Variants in TCF12 observed in about 807,000 individuals in gnomAD.
TCF12 encodes the protein DNA-binding protein HTF4.
TCF12 carries 45 observed loss-of-function variants against 86.0 expected under a neutral mutation model. The ratio of observed to expected loss-of-function variants is 0.52; its 90% CI spans 0.41 to 0.67. The LOEUF (loss-of-function observed/expected upper bound fraction) is 0.67. Ranked by LOEUF, TCF12 falls within the 30% of genes least tolerant of loss-of-function variation. The probability of loss-of-function intolerance (pLI) is 0.00; values close to 1 mark genes in which losing one functional copy is unlikely to be tolerated. For missense variants in TCF12, 881 were observed against 859.9 expected, an observed-to-expected ratio of 1.02 and a Z score of -0.31; for synonymous variants, 330 against 299.6, an observed-to-expected ratio of 1.10 and a Z score of -1.05.
intron 13 of TCF12, among the ~76,000 whole-genome samples, chr15:57,249,491 C>A (rs1487631416): frequency 1.3e-5 from 2 of 151,544 alleles, no homozygotes; most frequent in Admixed American, 6.6e-5. Flanking sequence ...GTAATTATAA[C>A]AGTATGCATA....
Position 57,288,957 on chromosome 15 carries a change from G to A in TCF12, c.*2812G>A, listed in dbSNP as rs1251771922. The A allele has an allele frequency of 6.6e-6, 1 of 151,236 alleles. No homozygotes were observed. The highest frequency in any genetic ancestry group is 1.5e-5 in the Non-Finnish European group (1 of 67,974). The allele number at this position is 151,236 out of a possible 1,614,324, so 9.4% of individuals were successfully genotyped here. A position where few individuals can be genotyped will look rare whatever the true frequency, so the allele number is the denominator to read the frequency against. ...TAATGGTATTGTTTACTGTTTAAAA[G>A]TTAAAAGATCAAAAATTTGCTTTTA... On this transcript the variant is annotated 3_prime_UTR_variant, in exon 21 of 21. Coordinates refer to ENST00000333725, the MANE Select transcript of TCF12 (RefSeq NM_207037.2).
chr15:57,033,301 G>C (rs2066315126), intron 3 of TCF12, among the ~76,000 whole-genome samples: 1 of 152,124 alleles, frequency 6.6e-6, no homozygotes, highest in South Asian at 2.1e-4. Flanking sequence ...AAAAGTCATA[G>C]ATGTATACAT....
At chr15:57,247,194 C>T in intron 13 of TCF12, 1 of 605,124 alleles carries the variant, frequency 1.7e-6, no homozygotes. Context: ...CCATCATAGC[C>T]CCCTCTACTA....
chr15:57,196,701 T>A (rs778084430), intron 7 of TCF12, among the ~76,000 whole-genome samples: 1 of 152,228 alleles, frequency 6.6e-6, no homozygotes, highest in African/African-American at 2.4e-5. Context: ...GAAATACTCA[T>A]GTTTTCATTT....
At chr15:57,271,704 C>A (rs1242017062) in intron 18 of TCF12, among the ~76,000 whole-genome samples, 6 of 152,132 alleles carry the variant, frequency 3.9e-5, no homozygotes, top group Non-Finnish European at 8.8e-5. Context: ...CAGAGCTGTT[C>A]CTATTTGGCC....
At position 56,921,012 on chromosome 15, in the gene TCF12, G is replaced by T; in HGVS notation, c.76-14G>T. ...AATTTCAGGACTAACAGATATATTT[G>T]GGTTATTTTGCAGATGTTTTCCCCA... On this transcript the variant is annotated splice_polypyrimidine_tract_variant and intron_variant, in intron 2 of 20. Transcript: ENST00000333725. 1 of 1,584,878 alleles carries T rather than the reference G, an allele frequency of 6.3e-7. No homozygotes were observed. Among genetic ancestry groups the T allele is most frequent in the Non-Finnish European group, 8.6e-7 (1 of 1,165,288 alleles).
intron 5 of TCF12, chr15:57,134,409 C>G (rs1461901521): frequency 6.6e-6 from 1 of 152,172 alleles, no homozygotes; most frequent in Non-Finnish European, 1.5e-5. Context: ...AGTGTGTTTT[C>G]TCAGCATTTT....
intron 3 of TCF12, among the ~76,000 whole-genome samples, chr15:57,041,594 A>G (rs186833075): frequency 9.1e-4 from 138 of 152,332 alleles, no homozygotes; most frequent in Middle Eastern, 3.4e-3. Context: ...GAAAACAACA[A>G]TGGCACAAAG....
At chr15:56,967,707 G>A (rs537041220) in intron 3 of TCF12, among the ~76,000 whole-genome samples, 1 of 152,208 alleles carries the variant, frequency 6.6e-6, no homozygotes, top group Non-Finnish European at 1.5e-5. Flanking sequence ...AATTGCCGAG[G>A]ATGGAGGGGC....
At chr15:57,216,563 T>TAAAAAA (rs5812872) in intron 8 of TCF12, among the ~76,000 whole-genome samples, 1 of 129,074 alleles carries the variant, frequency 7.7e-6, no homozygotes, top group Non-Finnish European at 1.6e-5. Context: ...CATGTTCCTT[T>TAAAAAA]AAAAAAAAAA....
intron 3 of TCF12, among the ~76,000 whole-genome samples, chr15:56,978,458 A>T (rs2062723346): frequency 6.6e-6 from 1 of 152,184 alleles, no homozygotes; most frequent in African/African-American, 2.4e-5. Context: ...AAGAAAAATC[A>T]TGATTCCACT....
chr15:56,947,428 C>T (rs1387856550), intron 3 of TCF12, among the ~76,000 whole-genome samples: 1 of 152,096 alleles, frequency 6.6e-6, no homozygotes, highest in African/African-American at 2.4e-5. Context: ...GCTGCCTTTT[C>T]CTCCCAGAAC....
chr15:57,098,053 C>T lies in TCF12; in HGVS notation c.325+6162C>T, dbSNP rs151199867. On this transcript the variant is annotated intron_variant, in intron 5 of 20. Coordinates refer to ENST00000333725, the MANE Select transcript of TCF12 (RefSeq NM_207037.2). ...AAAAAAAACCAGTCAGGCATGATGG[C>T]ACATGCTTGTAATCCCAGCTGTGTG... 3.7e-3 allele frequency among the ~76,000 whole-genome samples: 535 copies of T among 144,734 alleles called. 3 individuals carry two copies. The highest frequency in any genetic ancestry group is 0.014 in the African/African-American group (522 of 38,368). 95.0% of individuals were successfully genotyped at this position (144,734 alleles called of 152,430 possible).
At chr15:57,164,665 A>G (rs763350949) in intron 5 of TCF12, among the ~76,000 whole-genome samples, 8 of 151,986 alleles carry the variant, frequency 5.3e-5, no homozygotes, top group Non-Finnish European at 1.0e-4. Flanking sequence ...TATAGTCACA[A>G]TAAGAATTTT....
At chr15:57,049,967 C>G (rs1037309726) in intron 3 of TCF12, among the ~76,000 whole-genome samples, 1 of 152,150 alleles carries the variant, frequency 6.6e-6, no homozygotes, top group Admixed American at 6.5e-5. Context: ...AATTCCTCAA[C>G]GTGGCTTTTT....
At chr15:57,069,020 A>T (rs1317130222) in intron 4 of TCF12, among the ~76,000 whole-genome samples, 1 of 152,198 alleles carries the variant, frequency 6.6e-6, no homozygotes, top group African/African-American at 2.4e-5. Flanking sequence ...ATGTCGAGTT[A>T]TATGAGTTTG....
intron 3 of TCF12, among the ~76,000 whole-genome samples, chr15:56,981,308 G>C (rs1385503465): frequency 2.6e-5 from 4 of 152,206 alleles, no homozygotes; most frequent in African/African-American, 9.6e-5. Context: ...TTTGATCTCT[G>C]GTTCTAAGAG....
chr15:57,247,085 C>T, intron 13 of TCF12: 1 of 571,544 alleles, frequency 1.7e-6, no homozygotes, highest in Non-Finnish European at 3.3e-6. Context: ...AATTTCCGAA[C>T]TCATTATAGT....
rs1172206511 is a variant in TCF12, at chr15:57,077,327, ATGTGTGTGTGTGTGTGTGTG to A, written c.222+13532_222+13551del. On this transcript the variant is annotated intron_variant, in intron 4 of 20. Coordinates refer to ENST00000333725, the MANE Select transcript of TCF12 (RefSeq NM_207037.2). Reference sequence around the variant, plus strand: ...TTACTTTCCATATATATGTATATATATGTGTGTGTGTGTGTGTGTGTGTGTGTGTGTGTGTGTGTGTGTGT... The same window carrying A: ...TTACTTTCCATATATATGTATATATATGTGTGTGTGTGTGTGTGTGTGTGT... Among the ~76,000 whole-genome samples, 7 of 25,702 alleles carry A rather than the reference ATGTGTGTGTGTGTGTGTGTG, an allele frequency of 2.7e-4. 1 individual carries two copies. The South Asian group carries it at 4.6e-3, about 17-fold the overall frequency. The allele number at this position is 25,702 out of a possible 152,430, so 16.9% of individuals were successfully genotyped here.
Sources: gnomAD v4.1 joint callset for allele counts (sites outside exome capture counted in the v4.1 genomes callset) on GRCh38, gnomAD v4.1.1 for gene constraint, MANE v1.5 for transcripts, NCBI Gene and HGNC (gene_info 2026-07-23, HGNC 2026-07-21) for gene names.